The following HDAC9 variants were observed in gnomAD, a reference collection of about 807,000 sequenced individuals.
HDAC9 encodes MEF-2 interacting transcription repressor (MITR) protein.
HDAC9 carries 41 observed loss-of-function variants against 139.4 expected under a neutral mutation model. That is an observed-to-expected ratio of 0.29 (90% CI 0.23 to 0.38). The LOEUF is 0.38. Among genes scored for constraint, HDAC9 ranks in the 10% least tolerant of loss-of-function variants. The pLI is 1.00. For missense variants in HDAC9, 1,147 were observed against 1,297.0 expected, an observed-to-expected ratio of 0.88 and a Z score of 1.78; for synonymous variants, 517 against 476.2, an observed-to-expected ratio of 1.09 and a Z score of -1.12.
intron 1 of HDAC9, among the ~76,000 whole-genome samples, chr7:18,353,978 GT>G (rs1045872135): frequency 2.0e-5 from 3 of 152,034 alleles, no homozygotes; most frequent in African/African-American, 7.3e-5. Flanking sequence ...GAATGTTAGT[GT>G]ATGCACATTC....
At chr7:18,213,820 T>C (rs1562755745) in intron 2 of HDAC9, among the ~76,000 whole-genome samples, 1 of 152,154 alleles carries the variant, frequency 6.6e-6, no homozygotes, top group Non-Finnish European at 1.5e-5. Flanking sequence ...GCTTTATTTC[T>C]TGAGACATGT....
chr7:18,890,639 G>A (rs920766224), intron 22 of HDAC9, among the ~76,000 whole-genome samples: 9 of 152,208 alleles, frequency 5.9e-5, no homozygotes, highest in Non-Finnish European at 1.2e-4. Flanking sequence ...TACAAAGAAT[G>A]AAACAGAGGG....
intron 22 of HDAC9, among the ~76,000 whole-genome samples, chr7:18,908,257 A>AG (rs1802446421): frequency 2.0e-5 from 3 of 152,228 alleles, no homozygotes; most frequent in African/African-American, 7.2e-5. Flanking sequence ...ATTTTAATTG[A>AG]CACATAATTG....
intron 6 of HDAC9, among the ~76,000 whole-genome samples, chr7:18,621,356 T>A (rs1375289050): frequency 6.6e-6 from 1 of 151,934 alleles, no homozygotes; most frequent in Non-Finnish European, 1.5e-5. Context: ...ATGTATGACT[T>A]ACATAATCGG....
chr7:18,844,625 G>A (rs780834186), intron 21 of HDAC9, among the ~76,000 whole-genome samples: 10 of 152,102 alleles, frequency 6.6e-5, no homozygotes, highest in African/African-American at 1.7e-4. Context: ...TGGAGTTACC[G>A]AAATGGACTG....
chr7:18,623,422 A>G (rs566559911), intron 6 of HDAC9, among the ~76,000 whole-genome samples: 1 of 152,236 alleles, frequency 6.6e-6, no homozygotes, highest in East Asian at 1.9e-4. Context: ...CTCTCTCTCT[A>G]CTTATTTTTT....
chr7:18,283,031 T>A (rs1797204689), intron 2 of HDAC9, among the ~76,000 whole-genome samples: 1 of 150,714 alleles, frequency 6.6e-6, no homozygotes, highest in Admixed American at 6.6e-5. Context: ...GGGAGATATT[T>A]CATAGTGGGG....
chr7:18,368,277 G>A (rs1463474372), intron 1 of HDAC9, among the ~76,000 whole-genome samples: 2 of 151,966 alleles, frequency 1.3e-5, no homozygotes, highest in Non-Finnish European at 2.9e-5. Flanking sequence ...AGATGAAAGT[G>A]ATCTATCACT....
At chr7:18,555,140 A>G (rs889795584) in intron 2 of HDAC9, among the ~76,000 whole-genome samples, 1 of 152,212 alleles carries the variant, frequency 6.6e-6, no homozygotes, top group Admixed American at 6.5e-5. Context: ...GCTCATTTAA[A>G]AAAGATTCTT....
rs1788857619 is a variant in HDAC9 at position 18,175,848 on chromosome 7, C to T, written c.25+13499C>T. Among the ~76,000 whole-genome samples the T allele has an allele frequency of 2.2e-5, 3 of 137,968 alleles. No individual in the cohort carries two copies. The South Asian group carries it at 7.7e-4, about 35-fold the overall frequency. The allele number at this position is 137,968 out of a possible 152,430, so 90.5% of individuals were successfully genotyped here. ...TTGCTGCTTATGATAGATGGTTGCT[C>T]CTCACATATCATTGCATAATTAACC... On this transcript the variant is annotated intron_variant, in intron 2 of 12. Transcript: ENST00000417496.
At chr7:18,354,017 G>C (rs1783062868) in intron 1 of HDAC9, among the ~76,000 whole-genome samples, 1 of 151,984 alleles carries the variant, frequency 6.6e-6, no homozygotes, top group African/African-American at 2.4e-5. Context: ...TACCCTTTAA[G>C]TTAAATTAAA....
chr7:18,550,509 A>T (rs1204003036), intron 2 of HDAC9, among the ~76,000 whole-genome samples: 1 of 152,220 alleles, frequency 6.6e-6, no homozygotes, highest in Non-Finnish European at 1.5e-5. Flanking sequence ...ACAGAAACAA[A>T]ACAGACTTAA....
chr7:18,198,620 T>C (rs1355238847), intron 2 of HDAC9, among the ~76,000 whole-genome samples: 1 of 152,206 alleles, frequency 6.6e-6, no homozygotes, highest in Non-Finnish European at 1.5e-5. Flanking sequence ...CTAGGTTATA[T>C]CCAATGTCAG....
upstream of HDAC9, among the ~76,000 whole-genome samples, chr7:18,288,860 A>G (rs1797621213): frequency 6.6e-6 from 1 of 152,140 alleles, no homozygotes; most frequent in Admixed American, 6.5e-5. Context: ...AGGGGCAAGT[A>G]GGTGTGTTTG....
intron 1 of HDAC9, among the ~76,000 whole-genome samples, chr7:18,457,927 T>C (rs1793491437): frequency 6.6e-6 from 1 of 152,198 alleles, no homozygotes; most frequent in African/African-American, 2.4e-5. Context: ...CACACGTGTA[T>C]GCAAATGCAC....
intron 12 of HDAC9, among the ~76,000 whole-genome samples, chr7:18,723,093 C>T (rs995586776): frequency 3.3e-5 from 5 of 152,084 alleles, no homozygotes; most frequent in Admixed American, 3.3e-4. Flanking sequence ...CCTTGGTAAT[C>T]ATTTTGTCTG....
chr7:18,701,465 A>G (rs561667837), intron 12 of HDAC9, among the ~76,000 whole-genome samples: 3 of 151,850 alleles, frequency 2.0e-5, no homozygotes, highest in Non-Finnish European at 4.4e-5. Flanking sequence ...CACCAGTACT[A>G]TGAAACTCAA....
intron 3 of HDAC9, among the ~76,000 whole-genome samples, chr7:18,587,755 T>C (rs1333466726): frequency 6.6e-6 from 1 of 152,212 alleles, no homozygotes; most frequent in Non-Finnish European, 1.5e-5. Context: ...CCTGCCTCTC[T>C]CATGGGCCAG....
At chr7:18,711,511 G>A (rs1265448754) in intron 12 of HDAC9, among the ~76,000 whole-genome samples, 1 of 152,150 alleles carries the variant, frequency 6.6e-6, no homozygotes, top group Non-Finnish European at 1.5e-5. Flanking sequence ...GTACTTCCGG[G>A]TCTTCCTCGA....
Sources: gnomAD v4.1 joint callset for allele counts (sites outside exome capture counted in the v4.1 genomes callset) on GRCh38, gnomAD v4.1.1 for gene constraint, MANE v1.5 for transcripts, NCBI Gene and HGNC (gene_info 2026-07-23, HGNC 2026-07-21) for gene names.